PEX5L: variants seen among roughly 807,000 people sequenced by gnomAD.
PEX5L encodes PEX5-related protein.
In PEX5L, 30 loss-of-function variants were observed where a neutral mutation model predicts 84.0. That is an observed-to-expected ratio of 0.36 (90% CI 0.27 to 0.48). The LOEUF (loss-of-function observed/expected upper bound fraction) is 0.48, where lower values mean the gene tolerates loss of function less well. PEX5L is among the 20% of genes least tolerant of loss of function. PEX5L has a pLI of 0.99. For missense variants in PEX5L, 533 were observed against 754.6 expected (o/e 0.71, Z 3.44); for synonymous variants, 270 against 283.1 (o/e 0.95, Z 0.46).
At chr3:179,946,812 T>C (rs925420054) in intron 2 of PEX5L, among the ~76,000 whole-genome samples, 3 of 152,204 alleles carry the variant, frequency 2.0e-5, no homozygotes, top group Non-Finnish European at 4.4e-5. Flanking sequence ...AGAAAAGCTT[T>C]CAGTTAGTGG....
chr3:179,867,025 CAA>C (rs61404630), intron 7 of PEX5L, among the ~76,000 whole-genome samples: 25,768 of 88,724 alleles, frequency 0.29, 1,946 homozygotes, highest in East Asian at 0.54. Flanking sequence ...GACTCTGTCT[CAA>C]AAAAAAAAAA....
chr3:179,863,664 C>T (rs574862445), intron 7 of PEX5L, among the ~76,000 whole-genome samples: 3 of 151,952 alleles, frequency 2.0e-5, no homozygotes, highest in Admixed American at 6.6e-5. Context: ...TGTCTGTTAT[C>T]GAAAAGATGA....
At chr3:180,024,476 C>T (rs1303107498) in intron 1 of PEX5L, among the ~76,000 whole-genome samples, 7 of 145,042 alleles carry the variant, frequency 4.8e-5, no homozygotes, top group Non-Finnish European at 7.5e-5. Flanking sequence ...ACCCAGGAGG[C>T]GGAGCTTGCA....
chr3:179,847,695 A>C (rs562489693), intron 8 of PEX5L, among the ~76,000 whole-genome samples: 2,409 of 152,028 alleles, frequency 0.016, 52 homozygotes, highest in African/African-American at 0.052. Flanking sequence ...TTTACTTTAT[A>C]AAAAGTTTTT....
At chr3:179,937,351 C>T (rs181624935) in intron 2 of PEX5L, among the ~76,000 whole-genome samples, 13 of 152,006 alleles carry the variant, frequency 8.6e-5, no homozygotes, top group South Asian at 2.1e-4. Flanking sequence ...AGACAGCATG[C>T]GGGGTACATG....
At chr3:180,003,617 C>T (rs1247901299) in intron 1 of PEX5L, among the ~76,000 whole-genome samples, 1 of 151,934 alleles carries the variant, frequency 6.6e-6, no homozygotes, top group Non-Finnish European at 1.5e-5. Flanking sequence ...GCTTCAGAGT[C>T]CTCAGATCTT....
intron 1 of PEX5L, among the ~76,000 whole-genome samples, chr3:180,011,309 T>C (rs1027010943): frequency 1.3e-5 from 2 of 152,240 alleles, no homozygotes; most frequent in African/African-American, 4.8e-5. Flanking sequence ...GAAAAGCTTC[T>C]AGGCAGTAAA....
chr3:179,959,007 A>G (rs1578984882), intron 2 of PEX5L, among the ~76,000 whole-genome samples: 1 of 151,974 alleles, frequency 6.6e-6, no homozygotes, highest in Non-Finnish European at 1.5e-5. Flanking sequence ...AGCCTGGACG[A>G]CAGAGCGAGA....
chr3:179,815,265 T>G (rs144990779), intron 10 of PEX5L, among the ~76,000 whole-genome samples: 1 of 152,232 alleles, frequency 6.6e-6, no homozygotes. Flanking sequence ...ATACTGTCCC[T>G]TGAAAACTAC....
intron 5 of PEX5L, among the ~76,000 whole-genome samples, chr3:179,878,797 T>C (rs11918075): frequency 0.012 from 1,755 of 152,314 alleles, 36 homozygotes; most frequent in African/African-American, 0.04. Context: ...GTGGGTTTTC[T>C]TTCATTGCTA....
chr3:179,952,431 T>G (rs962004795), intron 2 of PEX5L, among the ~76,000 whole-genome samples: 1 of 152,004 alleles, frequency 6.6e-6, no homozygotes, highest in African/African-American at 2.4e-5. Flanking sequence ...AAGGGAAAGA[T>G]GTGTATATAG....
chr3:180,004,008 C>T (rs976004931), intron 1 of PEX5L, among the ~76,000 whole-genome samples: 19 of 152,130 alleles, frequency 1.2e-4, no homozygotes, highest in African/African-American at 2.2e-4. Flanking sequence ...TTTGTCCCCC[C>T]GCCCAAGAGG....
At position 179,796,549 on chromosome 3, in the gene PEX5L, C is replaced by T. The variant is rs916371593; in HGVS notation, c.*5279G>A. ...TTCCTCTTAACTGTTTAATGCCTCC[C>T]CACAATCGTCTTTGCTATGTGTGTT... On this transcript the variant is annotated 3_prime_UTR_variant, in exon 15 of 15. Transcript: ENST00000467460. The T allele has an allele frequency of 6.6e-6, 1 of 151,950 alleles. No homozygotes were observed. Among genetic ancestry groups the T allele is most frequent in the Non-Finnish European group, 1.5e-5 (1 of 67,992 alleles). The allele number at this position is 151,950 out of a possible 1,614,324, so 9.4% of individuals were successfully genotyped here. A position where few individuals can be genotyped will look rare whatever the true frequency, so the allele number is the denominator to read the frequency against.
intron 1 of PEX5L, among the ~76,000 whole-genome samples, chr3:179,985,603 T>G (rs374276247): frequency 1.3e-5 from 2 of 152,178 alleles, no homozygotes; most frequent in South Asian, 2.1e-4. Context: ...CTGAGGCTGC[T>G]GGAGCCATAT....
intron 1 of PEX5L, among the ~76,000 whole-genome samples, chr3:179,975,205 T>TA (rs1473344891): frequency 6.6e-6 from 1 of 151,586 alleles, no homozygotes; most frequent in Non-Finnish European, 1.5e-5. Flanking sequence ...AAAGAAAAAT[T>TA]AAAAAAAGAA....
intron 1 of PEX5L, among the ~76,000 whole-genome samples, chr3:179,986,284 G>A (rs1206589693): frequency 4.0e-5 from 6 of 151,566 alleles, no homozygotes; most frequent in Non-Finnish European, 5.9e-5. Flanking sequence ...CTATGTGCTA[G>A]GATGAAAAGT....
At chr3:179,832,905 C>T (rs576342630) in intron 8 of PEX5L, among the ~76,000 whole-genome samples, 1 of 152,372 alleles carries the variant, frequency 6.6e-6, no homozygotes, top group Admixed American at 6.5e-5. Context: ...GCCCACCTAC[C>T]TACCTACTTA....
intron 2 of PEX5L, among the ~76,000 whole-genome samples, chr3:179,928,940 T>C (rs1772230803): frequency 6.6e-6 from 1 of 152,212 alleles, no homozygotes; most frequent in South Asian, 2.1e-4. Context: ...GACTGAAATT[T>C]GTAAACAGCT....
At chr3:179,990,793 A>C (rs548058887) in intron 1 of PEX5L, among the ~76,000 whole-genome samples, 1 of 152,206 alleles carries the variant, frequency 6.6e-6, no homozygotes, top group South Asian at 2.1e-4. Flanking sequence ...TTTTACTTAC[A>C]TTATTTTGTT....
Sources: allele counts gnomAD v4.1 joint callset (sites outside exome capture counted in the v4.1 genomes callset), GRCh38; gene constraint gnomAD v4.1.1; transcripts MANE v1.5; gene names NCBI Gene and HGNC (gene_info 2026-07-23, HGNC 2026-07-21).